The following MED21 variants were observed in gnomAD, a reference collection of about 807,000 sequenced individuals.
MED21 encodes mediator of RNA polymerase II transcription subunit 21.
MED21 carries 9 observed loss-of-function variants against 18.2 expected under a neutral mutation model. The ratio of observed to expected loss-of-function variants is 0.49; its 90% confidence interval spans 0.30 to 0.86. The LOEUF is 0.86. Among genes scored for constraint, MED21 ranks in the 40% least tolerant of loss-of-function variants. The probability of loss-of-function intolerance (pLI) is 0.07; values close to 1 mark genes in which losing one functional copy is unlikely to be tolerated. For synonymous variants in MED21, 73 were observed against 60.5 expected (o/e 1.21, Z -0.96); for missense variants, 150 against 170.9 (o/e 0.88, Z 0.68).
intron 2 of MED21, among the ~76,000 whole-genome samples, chr12:27,026,928 G>C (rs1188690425): frequency 6.6e-6 from 1 of 152,040 alleles, no homozygotes; most frequent in African/African-American, 2.4e-5. Context: ...TTAATCATTA[G>C]AATCTTCTTT....
chr12:27,030,628 TAAG>T lies in MED21; in HGVS notation c.*2171_*2173del, dbSNP rs1941608943. On this transcript the variant is annotated 3_prime_UTR_variant, in exon 4 of 4. Transcript: ENST00000282892. ...AGCTGATTTAAATCTAAAAACTGGA[TAAG>T]AAGCTGTGGCTTGTAATTAAAAATA... 6.5e-6 allele frequency: 1 copy of T among 154,540 alleles called. No homozygotes were observed. The highest frequency in any genetic ancestry group is 2.4e-5 in the African/African-American group (1 of 41,562). 9.6% of individuals were successfully genotyped at this position (154,540 alleles called of 1,614,324 possible).
rs1941558333 is a variant in MED21 at position 27,027,284 on chromosome 12, T to TA, written c.158-59dup. ...TATGAAGTTTCTGGTTTCATTAACT[T>TA]AAAATTTGTTTCTGAAAACTTGAGG... is the stretch of plus-strand genomic sequence containing the variant. On this transcript the variant is annotated intron_variant, in intron 2 of 3. Transcript: ENST00000282892. 11 of 1,191,194 alleles carry TA rather than the reference T, an allele frequency of 9.2e-6. No individual in the cohort carries two copies. The South Asian group carries it at 1.4e-4, about 16-fold the overall frequency. 73.8% of individuals were successfully genotyped at this position (1,191,194 alleles called of 1,614,324 possible). A position where few individuals can be genotyped will look rare whatever the true frequency, so the allele number is the denominator to read the frequency against.
At position 27,028,768 on chromosome 12, in the gene MED21, C is replaced by T; in HGVS notation, c.*307C>T. On this transcript the variant is annotated 3_prime_UTR_variant, in exon 4 of 4. Transcript: ENST00000282892. ...AATTCTGTTATGACATAATTTATGT[C>T]TCCATTTTGTTGTATTGGCCAGTAC... is the stretch of plus-strand genomic sequence containing the variant. 1 of 1,027,126 alleles carries T rather than the reference C, an allele frequency of 9.7e-7. No individual in the cohort carries two copies. 63.6% of individuals were successfully genotyped at this position (1,027,126 alleles called of 1,614,324 possible). A position where few individuals can be genotyped will look rare whatever the true frequency, so the allele number is the denominator to read the frequency against.
chr12:27,027,314 C>G, intron 2 of MED21, 33 bp from the exon 3 acceptor site: 1 of 1,491,422 alleles, frequency 6.7e-7, no homozygotes, highest in Non-Finnish European at 9.2e-7. Context: ...TTGAGGTTTT[C>G]TAATATCCTA....
chr12:27,038,331 A>C (rs1941661976), intron 2 of MED21: 1 of 152,200 alleles, frequency 6.6e-6, no homozygotes, highest in Non-Finnish European at 1.5e-5. Flanking sequence ...GAATACAACG[A>C]ATATAACAAA....
downstream of MED21, among the ~76,000 whole-genome samples, chr12:27,034,295 TAATCC>T (rs1322596875): frequency 6.1e-4 from 93 of 151,910 alleles, no homozygotes; most frequent in African/African-American, 2.2e-3. Flanking sequence ...TGGGCGCCTG[TAATCC>T]AATCCCAGCT....
intron 1 of MED21, among the ~76,000 whole-genome samples, chr12:27,023,336 T>G (rs1941501350): frequency 7.1e-6 from 1 of 139,970 alleles, no homozygotes; most frequent in Non-Finnish European, 1.5e-5. Context: ...GACAGTGCCT[T>G]TCGCCCAGGC....
rs2136478941 is a variant in MED21 at position 27,022,571 on chromosome 12, G to A, written c.-9G>A. On this transcript the variant is annotated 5_prime_UTR_variant, in exon 1 of 4. Transcript: ENST00000282892. ...AGCTGTTTTGGCGTCTGTTTGCTGCGGTAGGAACATGGCGGATCGGCTCAC... is the reference window on the plus strand; with the variant it reads ...AGCTGTTTTGGCGTCTGTTTGCTGCAGTAGGAACATGGCGGATCGGCTCAC... 2 of 1,544,922 alleles carry A rather than the reference G, an allele frequency of 1.3e-6. No individual in the cohort carries two copies. The highest frequency in any genetic ancestry group is 1.2e-5 in the South Asian group (1 of 84,550).
chr12:27,038,309 A>G (rs1941661872), intron 2 of MED21: 2 of 152,212 alleles, frequency 1.3e-5, no homozygotes, highest in African/African-American at 4.8e-5. Flanking sequence ...ACATTAAATA[A>G]TAAGGATTCA....
Position 27,027,327 on chromosome 12 carries a change from C to G in MED21, c.158-20C>G, listed in dbSNP as rs752847670. The G allele has an allele frequency of 6.4e-7, 1 of 1,557,856 alleles. No homozygotes were observed. The highest frequency in any genetic ancestry group is 2.2e-5 in the East Asian group (1 of 44,568). On this transcript the variant is annotated intron_variant, in intron 2 of 3. Coordinates refer to ENST00000282892, the MANE Select transcript of MED21 (RefSeq NM_004264.5). ...ACTTGAGGTTTTCTAATATCCTAAT[C>G]TAGCAGTATCTTTCTCTAGAGTATG...
Position 27,030,388 on chromosome 12 carries a change from G to A in MED21, c.*1927G>A. ...AACCTCAAGATATTAATACTATACA[G>A]TAGACTATAAGAAATTAAGTATTTG... On this transcript the variant is annotated 3_prime_UTR_variant, in exon 4 of 4. Coordinates refer to ENST00000282892, the MANE Select transcript of MED21 (RefSeq NM_004264.5). 2 of 393,770 alleles carry A rather than the reference G, an allele frequency of 5.1e-6. No homozygotes were observed. Among genetic ancestry groups the A allele is most frequent in the Non-Finnish European group, 8.9e-6 (2 of 223,630 alleles). 24.4% of individuals were successfully genotyped at this position (393,770 alleles called of 1,614,324 possible).
intron 1 of MED21, among the ~76,000 whole-genome samples, chr12:27,023,305 T>C (rs370791018): frequency 2.8e-5 from 4 of 141,428 alleles, no homozygotes; most frequent in Admixed American, 7.0e-5. Flanking sequence ...CTTTTCTTTT[T>C]TTTTTTTTTT....
At chr12:27,035,963 A>T (rs569744043) in intron 2 of MED21, among the ~76,000 whole-genome samples, 1 of 152,120 alleles carries the variant, frequency 6.6e-6, no homozygotes, top group Non-Finnish European at 1.5e-5. Flanking sequence ...CAGTAGTGGG[A>T]TGGCTGGGTC....
At chr12:27,035,002 CT>C (rs1330968337), downstream of MED21, among the ~76,000 whole-genome samples, 3 of 152,158 alleles carry the variant, frequency 2.0e-5, no homozygotes, top group East Asian at 3.9e-4. Context: ...CCGCCTGCCC[CT>C]GGCCTCCCTA....
chr12:27,034,844 G>C (rs1315964341), downstream of MED21, among the ~76,000 whole-genome samples: 1 of 152,092 alleles, frequency 6.6e-6, no homozygotes, highest in Non-Finnish European at 1.5e-5. Flanking sequence ...TCCGTCTCCC[G>C]GGTCCAAGTG....
chr12:27,029,858 A>G lies in MED21; in HGVS notation c.*1397A>G. On this transcript the variant is annotated 3_prime_UTR_variant, in exon 4 of 4. Transcript: ENST00000282892. ...TATTATAAAGGAGTCAAAAAGGTAC[A>G]AAGAGAAAAGGTCAAGACATTTTTC... 3 of 1,005,646 alleles carry G rather than the reference A, an allele frequency of 3.0e-6. No homozygotes were observed. Among genetic ancestry groups the G allele is most frequent in the Non-Finnish European group, 3.6e-6 (3 of 834,808 alleles). 62.3% of individuals were successfully genotyped at this position (1,005,646 alleles called of 1,614,324 possible).
chr12:27,034,992 C>T (rs1941640489), downstream of MED21, among the ~76,000 whole-genome samples: 1 of 152,056 alleles, frequency 6.6e-6, no homozygotes, highest in South Asian at 2.1e-4. Context: ...CTTAGGTGCT[C>T]CGCCTGCCCC....
chr12:27,037,331 A>C (rs1199076671), intron 2 of MED21: 1 of 151,906 alleles, frequency 6.6e-6, no homozygotes, highest in African/African-American at 2.4e-5. Context: ...CAGCTTAAGG[A>C]GATTTTGGGC....
At chr12:27,035,031 C>A (rs559922341), downstream of MED21, among the ~76,000 whole-genome samples, 3 of 152,100 alleles carry the variant, frequency 2.0e-5, no homozygotes, top group African/African-American at 7.2e-5. Flanking sequence ...GGATTACAGG[C>A]GTGAGCAACT....
Sources: gnomAD v4.1 joint callset for allele counts (sites outside exome capture counted in the v4.1 genomes callset) on GRCh38, gnomAD v4.1.1 for gene constraint, MANE v1.5 for transcripts, NCBI Gene and HGNC (gene_info 2026-07-23, HGNC 2026-07-21) for gene names.